FAM187B: variants seen among roughly 807,000 people sequenced by gnomAD.
FAM187B encodes protein FAM187B.
Under a neutral mutation model 22.6 loss-of-function variants are expected in FAM187B, and 22 were observed. The ratio of observed to expected loss-of-function variants is 0.97; its 90% CI spans 0.70 to 1.39. The LOEUF (loss-of-function observed/expected upper bound fraction) is 1.39, where lower values mean the gene tolerates loss of function less well. Among genes scored for constraint, FAM187B ranks in the 40% most tolerant of loss-of-function variants. The pLI is 0.00. For synonymous variants in FAM187B, 192 were observed against 201.8 expected (o/e 0.95, Z 0.41); for missense variants, 433 against 462.1 (o/e 0.94, Z 0.58).
chr19:35,226,502 A>G (rs1259125007), intron 1 of FAM187B, among the ~76,000 whole-genome samples: 1 of 152,182 alleles, frequency 6.6e-6, no homozygotes, highest in Non-Finnish European at 1.5e-5. Flanking sequence ...CTATATATTT[A>G]TGCGCCACAA....
intron 1 of FAM187B, among the ~76,000 whole-genome samples, chr19:35,227,179 G>A (rs2065663983): frequency 6.6e-6 from 1 of 152,082 alleles, no homozygotes; most frequent in African/African-American, 2.4e-5. Context: ...CAGACTTACG[G>A]CCTCCAGAAG....
At chr19:35,227,373 C>T (rs1284158127) in intron 1 of FAM187B, among the ~76,000 whole-genome samples, 2 of 152,242 alleles carry the variant, frequency 1.3e-5, no homozygotes, top group African/African-American at 4.8e-5. Context: ...GCACGTGCCA[C>T]CATACCTGGC....
In FAM187B at chr19:35,225,041, G is replaced by A. The variant is rs1262418041; in HGVS notation, c.894C>T (p.Pro298=). 2 of 1,613,260 alleles carry A rather than the reference G, an allele frequency of 1.2e-6. No homozygotes were observed. The highest frequency in any genetic ancestry group is 1.7e-6 in the Non-Finnish European group (2 of 1,179,564). ...CCTCCAGCGTCTCCAGACTGGCGGC[G>A]GGTTTGAACTGGGCCACGAGCTCCT... ...VQQELVAQFK[P]AASLETLEAQ... The change falls in exon 2 of 2, where the codon CCC becomes CCT. Residue 298 remains proline, a synonymous_variant. Transcript: ENST00000324675.
rs779270870 is a variant in FAM187B at position 35,228,534 on chromosome 19, C to A, written c.147G>T (p.Ala49=). 17 of 1,614,014 alleles carry A rather than the reference C, an allele frequency of 1.1e-5. No individual in the cohort carries two copies. In the African/African-American group the frequency reaches 1.5e-4, roughly 14 times the overall value. Residue 49 remains alanine, a synonymous_variant, in exon 1 of 2, where the codon GCG becomes GCT. Coordinates refer to ENST00000324675, the MANE Select transcript of FAM187B (RefSeq NM_152481.2). Reference sequence around the variant, plus strand: ...CTTGTGTGAATAAATAGTACCAGTGCGCCCCCGAGGAGTTGCAATACAGGA... The same window carrying A: ...CTTGTGTGAATAAATAGTACCAGTGAGCCCCCGAGGAGTTGCAATACAGGA... ...DILLYCNSSG[A]HWYYLFTQGK... is the part of the protein sequence containing the mutation.
Position 35,228,469 on chromosome 19 carries a change from T to A in FAM187B, c.212A>T (p.Asn71Ile), listed in dbSNP as rs1396966113. The A allele has an allele frequency of 6.2e-7, 1 of 1,614,196 alleles. No homozygotes were observed. Among genetic ancestry groups the A allele is most frequent in the South Asian group, 1.1e-5 (1 of 91,082 alleles). Residue 71 changes from asparagine to isoleucine, a missense_variant, in exon 1 of 2, where the codon AAT becomes ATT. Transcript: ENST00000324675. ...GRLTSLTNIS[N>I]MEIMPEGSLL... ...GCTGCCCTCGGGCATTATTTCCATA[T>A]TGGAAATATTGGTGAGGCTGGTGAG...
rs749101684 is a variant in FAM187B at position 35,228,123 on chromosome 19, C to A, written c.558G>T (p.Leu186=). 1 of 1,614,228 alleles carries A rather than the reference C, an allele frequency of 6.2e-7. No homozygotes were observed. ...MPCWLYLGEV[L]VWSSRLRPEL... is the part of the protein sequence containing the mutation. ...CAGGCCGCAAGCGGCTAGACCACAC[C>A]AGCACCTCTCCCAGATAGAGCCAGC... The change falls in exon 1 of 2, where the codon CTG becomes CTT. Residue 186 remains leucine (L), a synonymous_variant. Transcript: ENST00000324675.
At position 35,228,585 on chromosome 19, in the gene FAM187B, C is replaced by A. The variant is rs754167166; in HGVS notation, c.96G>T (p.Gln32His). Residue 32 changes from glutamine to histidine, a missense_variant, in exon 1 of 2, where the codon CAG (glutamine) becomes CAT (histidine). Gln to His is a conservative substitution (Grantham distance 24). Transcript: ENST00000324675. Reference protein sequence around the residue: ...ISCPSGKQCQQALLSGNDILL... With the variant: ...ISCPSGKQCQHALLSGNDILL... ...GAATATCATTGCCTGAGAGTAGGGC[C>A]TGTTGGCACTGCTTACCACTGGGGC... 8.7e-6 allele frequency: 14 copies of A among 1,614,024 alleles called. No individual in the cohort carries two copies. The Admixed American group carries it at 1.0e-4, about 12-fold the overall frequency.
rs1309456655 is a variant in FAM187B, at chr19:35,224,844, T to C, written c.1091A>G (p.Gln364Arg). 2 of 1,611,640 alleles carry C rather than the reference T, an allele frequency of 1.2e-6. No homozygotes were observed. Among genetic ancestry groups the C allele is most frequent in the Non-Finnish European group, 1.7e-6 (2 of 1,178,594 alleles). ...CTCGCTTTATTTCACCACCAGCACC[T>C]GTGTGCTTCTCCTGCCCGGGGAAGG... ...IHPSPGRRSTQVLVVK is the reference protein window; with the variant it reads ...IHPSPGRRSTRVLVVK Residue 364 changes from glutamine (Q) to arginine (R), a missense_variant, in exon 2 of 2, where the codon CAG becomes CGG. Gln to Arg is a conservative substitution (Grantham distance 43, BLOSUM62 1). Coordinates refer to ENST00000324675, the MANE Select transcript of FAM187B (RefSeq NM_152481.2).
chr19:35,227,837 C>T, intron 1 of FAM187B, 122 bp downstream of exon 1: 1 of 1,427,680 alleles, frequency 7.0e-7, no homozygotes, highest in Non-Finnish European at 9.4e-7. Flanking sequence ...CTGGCACTGT[C>T]CTGATGACCA....
chr19:35,225,181 G>C lies in FAM187B; in HGVS notation c.754C>G (p.Leu252Val), dbSNP rs2065657967. The C allele has an allele frequency of 6.6e-7, 1 of 1,518,442 alleles. No individual in the cohort carries two copies. Among genetic ancestry groups the C allele is most frequent in the East Asian group, 2.3e-5 (1 of 43,322 alleles). The allele number at this position is 1,518,442 out of a possible 1,614,324, so 94.1% of individuals were successfully genotyped here. Residue 252 changes from leucine to valine, a missense_variant, in exon 2 of 2, where the codon CTG (leucine) becomes GTG (valine). Leu to Val is a conservative substitution (Grantham distance 32, BLOSUM62 1). Coordinates refer to ENST00000324675, the MANE Select transcript of FAM187B (RefSeq NM_152481.2). ...PVNWRANDTP[L>V]TWESQLSGQD... The stretch of plus-strand genomic sequence containing the variant: ...CCGGAGAGCTGGCTCTCCCACGTCA[G>C]GGGGGTGTCGTTGGCACGCCAGTTG...
chr19:35,225,233 G>A (rs1417383426), intron 1 of FAM187B, 21 bp from the exon 2 acceptor site: 1 of 1,465,826 alleles, frequency 6.8e-7, no homozygotes, highest in Admixed American at 2.7e-5. Flanking sequence ...GACAAGGTCA[G>A]GTGCAGGGCC....
At position 35,227,501 on chromosome 19, in the gene FAM187B, T is replaced by C. The variant is rs559683788; in HGVS notation, c.722+458A>G. On this transcript the variant is annotated intron_variant, in intron 1 of 1. Coordinates refer to ENST00000324675, the MANE Select transcript of FAM187B (RefSeq NM_152481.2). Reference sequence around the variant, plus strand: ...TCCCAAAGTGCTGGGATTACAGGCATGAGCCACCGCGCCCAGCCTGCATTT... The same window carrying C: ...TCCCAAAGTGCTGGGATTACAGGCACGAGCCACCGCGCCCAGCCTGCATTT... 5.9e-5 allele frequency among the ~76,000 whole-genome samples: 9 copies of C among 152,316 alleles called. No individual in the cohort carries two copies. In the South Asian group the frequency reaches 6.2e-4, roughly 11 times the overall value.
At position 35,228,223 on chromosome 19, in the gene FAM187B, C is replaced by A; in HGVS notation, c.458G>T (p.Arg153Leu). The change falls in exon 1 of 2, where the codon CGC becomes CTC. Residue 153 changes from arginine to leucine, a missense_variant. Transcript: ENST00000324675. ...TTTACACTCGCCCGGCTCCTCACAGCGGTTGCAGTCCTGCCAGGGCTCCCA... is the reference window on the plus strand; with the variant it reads ...TTTACACTCGCCCGGCTCCTCACAGAGGTTGCAGTCCTGCCAGGGCTCCCA... ...TWWEPWQDCN[R>L]CEEPGECKRL... The A allele has an allele frequency of 6.2e-7, 1 of 1,614,200 alleles. No homozygotes were observed. The highest frequency in any genetic ancestry group is 2.2e-5 in the East Asian group (1 of 44,882).
At chr19:35,227,238 T>A (rs1022894196) in intron 1 of FAM187B, among the ~76,000 whole-genome samples, 10 of 151,996 alleles carry the variant, frequency 6.6e-5, no homozygotes. Context: ...GTTTTTTGAG[T>A]CAGAGTTGTC....
intron 1 of FAM187B, among the ~76,000 whole-genome samples, chr19:35,225,819 AAAC>A (rs1599575832): frequency 6.6e-6 from 1 of 152,020 alleles, no homozygotes; most frequent in Admixed American, 6.6e-5. Flanking sequence ...CCAAAAAAGA[AAAC>A]AACAAACCAA....
rs373902734 is a variant in FAM187B at position 35,224,813 on chromosome 19, C to T, written c.*12G>A. 5.0e-6 allele frequency: 8 copies of T among 1,593,880 alleles called. No homozygotes were observed. In the Admixed American group the frequency reaches 5.2e-5, roughly 10 times the overall value. ...CCGGAGGCCGGGTCCGCTTGTGCAC[C>T]GGGGGCTCGCTTTATTTCACCACCA... On this transcript the variant is annotated 3_prime_UTR_variant, in exon 2 of 2. Transcript: ENST00000324675.
Position 35,225,227 on chromosome 19 carries a change from A to T in FAM187B, c.723-15T>A. ...AGTTGACGGGCCTGCGAGGAGGACA[A>T]GGTCAGGTGCAGGGCCAGGGAGAAA... is the stretch of plus-strand genomic sequence containing the variant. On this transcript the variant is annotated splice_polypyrimidine_tract_variant and intron_variant, in intron 1 of 1. Transcript: ENST00000324675. 1 of 1,474,130 alleles carries T rather than the reference A, an allele frequency of 6.8e-7. No homozygotes were observed. Among genetic ancestry groups the T allele is most frequent in the East Asian group, 2.4e-5 (1 of 41,856 alleles). 91.3% of individuals were successfully genotyped at this position (1,474,130 alleles called of 1,614,324 possible).
At chr19:35,225,704 T>C (rs1195145757) in intron 1 of FAM187B, among the ~76,000 whole-genome samples, 1 of 152,112 alleles carries the variant, frequency 6.6e-6, no homozygotes, top group African/African-American at 2.4e-5. Flanking sequence ...TCCTGGCTGC[T>C]CAGGAGGCTG....
Position 35,224,956 on chromosome 19 carries a change from C to T in FAM187B, c.979G>A (p.Ala327Thr). ...TTCAGCCCCTTGAGCACGGAGTCCG[C>T]CCTGCCCCGCAGGGCCTTCCTTGCC... The part of the protein sequence containing the change: ...REARKALRGR[A>T]DSVLKGLKLV... The change falls in exon 2 of 2, where the codon GCG (alanine) becomes ACG (threonine). Residue 327 changes from alanine to threonine, a missense_variant. By Grantham distance (58) the Ala-to-Thr change is moderately conservative. Coordinates refer to ENST00000324675, the MANE Select transcript of FAM187B (RefSeq NM_152481.2). The T allele has an allele frequency of 1.9e-6, 3 of 1,613,748 alleles. No homozygotes were observed. The highest frequency in any genetic ancestry group is 2.5e-6 in the Non-Finnish European group (3 of 1,179,982).
Sources: allele counts gnomAD v4.1 joint callset (sites outside exome capture counted in the v4.1 genomes callset), GRCh38; gene constraint gnomAD v4.1.1; transcripts MANE v1.5; gene names NCBI Gene and HGNC (gene_info 2026-07-23, HGNC 2026-07-21).